Variants in CPVL observed in about 807,000 individuals in gnomAD.
CPVL encodes probable serine carboxypeptidase CPVL.
Under a neutral mutation model 63.7 loss-of-function variants are expected in CPVL, and 51 were observed. The observed-to-expected ratio is 0.80, with a 90% confidence interval of 0.64 to 1.01. The LOEUF is 1.01. Ranked by LOEUF, CPVL falls within the 50% of genes least tolerant of loss-of-function variation. CPVL has a pLI of 0.00. For synonymous variants in CPVL, 195 were observed against 206.0 expected, an observed-to-expected ratio of 0.95 and a Z score of 0.46; for missense variants, 530 against 573.1, an observed-to-expected ratio of 0.92 and a Z score of 0.77.
chr7:29,066,759 G>A (rs1783173250), intron 9 of CPVL, among the ~76,000 whole-genome samples: 2 of 152,166 alleles, frequency 1.3e-5, no homozygotes. Context: ...TTATCTTTGG[G>A]CTGACATTAA....
At chr7:28,996,976 A>G (rs1784144542) in intron 12 of CPVL, among the ~76,000 whole-genome samples, 2 of 152,240 alleles carry the variant, frequency 1.3e-5, no homozygotes, top group Admixed American at 1.3e-4. Flanking sequence ...GCAGACACCT[A>G]CGTAACCCAA....
intron 9 of CPVL, among the ~76,000 whole-genome samples, chr7:29,070,660 G>T (rs1191302327): frequency 6.6e-6 from 1 of 152,162 alleles, no homozygotes; most frequent in Non-Finnish European, 1.5e-5. Context: ...ACAGAGAAAG[G>T]AGAGCCTGGT....
At chr7:29,187,120 G>A (rs1035200370) in intron 1 of CPVL, among the ~76,000 whole-genome samples, 3 of 152,152 alleles carry the variant, frequency 2.0e-5, no homozygotes, top group Non-Finnish European at 4.4e-5. Context: ...CAGAAAGCAT[G>A]GTGAGAGTGG....
intron 1 of CPVL, chr7:29,146,100 G>A (rs17755935): frequency 0.054 from 8,322 of 154,232 alleles, 275 homozygotes; most frequent in Middle Eastern, 0.11. Flanking sequence ...AAGAGCGGCA[G>A]AGGACCCCAC....
chr7:29,165,926 T>C (rs1795846660), intron 5 of CPVL, among the ~76,000 whole-genome samples: 1 of 152,230 alleles, frequency 6.6e-6, no homozygotes, highest in African/African-American at 2.4e-5. Context: ...TGTTTGTCAC[T>C]ATGTTCACAG....
chr7:29,109,089 G>C (rs1033721553), intron 3 of CPVL, among the ~76,000 whole-genome samples: 1 of 152,204 alleles, frequency 6.6e-6, no homozygotes, highest in Non-Finnish European at 1.5e-5. Flanking sequence ...AAAATGCACA[G>C]TGCCTAGCAC....
chr7:29,195,429 C>A, upstream of CPVL: 1 of 175,236 alleles, frequency 5.7e-6, no homozygotes, highest in Non-Finnish European at 1.2e-5. Flanking sequence ...CCTCGCTCCT[C>A]GCAGACTTGA....
chr7:29,091,325 C>G (rs1785759631), intron 6 of CPVL, among the ~76,000 whole-genome samples: 1 of 151,780 alleles, frequency 6.6e-6, no homozygotes. Context: ...CGATGCATCT[C>G]TTCAATACAG....
intron 3 of CPVL, among the ~76,000 whole-genome samples, chr7:29,103,189 G>A (rs971366154): frequency 7.2e-6 from 1 of 139,696 alleles, no homozygotes; most frequent in East Asian, 2.1e-4. Context: ...CTGGGGGGGG[G>A]GGGGGGGTGC....
At chr7:29,138,066 T>A (rs1485044425) in intron 1 of CPVL, among the ~76,000 whole-genome samples, 1 of 152,156 alleles carries the variant, frequency 6.6e-6, no homozygotes, top group Non-Finnish European at 1.5e-5. Flanking sequence ...TTCACAATAA[T>A]CTAGAATAAA....
chr7:29,178,524 G>A (rs1378029385), intron 5 of CPVL, among the ~76,000 whole-genome samples: 1 of 152,064 alleles, frequency 6.6e-6, no homozygotes, highest in Non-Finnish European at 1.5e-5. Context: ...CTGCTGAAAT[G>A]TCACATCCTC....
At chr7:29,153,387 G>A (rs897241629) in intron 5 of CPVL, among the ~76,000 whole-genome samples, 4 of 152,104 alleles carry the variant, frequency 2.6e-5, no homozygotes, top group Non-Finnish European at 5.9e-5. Flanking sequence ...GACACTGAGT[G>A]TGTCCACCTT....
At chr7:29,088,775 G>A (rs1785469810) in intron 6 of CPVL, among the ~76,000 whole-genome samples, 1 of 152,154 alleles carries the variant, frequency 6.6e-6, no homozygotes, top group East Asian at 1.9e-4. Context: ...AAGAGATTGA[G>A]ACCATTCTGG....
chr7:29,172,167 C>T (rs12536733), intron 5 of CPVL, among the ~76,000 whole-genome samples: 2,881 of 152,138 alleles, frequency 0.019, 199 homozygotes, highest in Admixed American at 0.12. Flanking sequence ...GGGGGGATTC[C>T]TGCAATGATT....
rs140767560 is a variant in CPVL at position 29,092,664 on chromosome 7, T to C, written c.501A>G (p.Gly167=). 4.0e-4 allele frequency: 639 copies of C among 1,614,006 alleles called. No homozygotes were observed. The highest frequency in any genetic ancestry group is 5.2e-4 in the Non-Finnish European group (615 of 1,179,864). The change falls in exon 6 of 13, where the codon GGA becomes GGG. Residue 167 remains glycine, a synonymous_variant. Transcript: ENST00000265394. ...TGFSFTDDTH[G]YAVNEDDVAR... is the part of the protein sequence containing the mutation. The stretch of plus-strand genomic sequence containing the variant: ...CTACATCGTCCTCATTGACTGCATA[T>C]CCGTGGGTATCATCAGTAAAACTGA...
At chr7:29,193,481 TATATA>T (rs1316159953) in intron 1 of CPVL, 1 of 152,232 alleles carries the variant, frequency 6.6e-6, no homozygotes, top group African/African-American at 2.4e-5. Flanking sequence ...CCATTTTTGC[TATATA>T]ATGAGAGTAC....
At chr7:29,019,585 C>T (rs1026914453) in intron 12 of CPVL, among the ~76,000 whole-genome samples, 1 of 152,226 alleles carries the variant, frequency 6.6e-6, no homozygotes, top group Non-Finnish European at 1.5e-5. Flanking sequence ...AAATTAAGAG[C>T]TGTAGTGTTT....
At chr7:29,072,124 G>A (rs1783805920) in intron 8 of CPVL, among the ~76,000 whole-genome samples, 177 bp downstream of exon 8, 1 of 152,086 alleles carries the variant, frequency 6.6e-6, no homozygotes, top group Non-Finnish European at 1.5e-5. Context: ...GCCAATGTAA[G>A]CTGACACAGT....
At chr7:29,093,643 T>G (rs1262692017) in intron 5 of CPVL, among the ~76,000 whole-genome samples, 1 of 152,222 alleles carries the variant, frequency 6.6e-6, no homozygotes, top group Non-Finnish European at 1.5e-5. Context: ...AACTGCAAAT[T>G]CAAAAGAAGA....
Sources: allele counts gnomAD v4.1 joint callset (sites outside exome capture counted in the v4.1 genomes callset), GRCh38; gene constraint gnomAD v4.1.1; transcripts MANE v1.5; gene names NCBI Gene and HGNC (gene_info 2026-07-23, HGNC 2026-07-21).